SEC23IP: variants seen among roughly 807,000 people sequenced by gnomAD.
The protein encoded by SEC23IP is SEC23-interacting protein.
Under a neutral mutation model 113.4 loss-of-function variants are expected in SEC23IP, and 70 were observed. The ratio of observed to expected loss-of-function variants is 0.62; its 90% CI spans 0.51 to 0.75. The LOEUF is 0.75. Ranked by LOEUF, SEC23IP falls within the 30% of genes least tolerant of loss-of-function variation. SEC23IP has a pLI of 0.00. For synonymous variants in SEC23IP, 398 were observed against 421.0 expected, an observed-to-expected ratio of 0.95 and a Z score of 0.67; for missense variants, 1,160 against 1,204.9, an observed-to-expected ratio of 0.96 and a Z score of 0.55.
chr10:119,905,949 T>C (rs773164462), intron 4 of SEC23IP, among the ~76,000 whole-genome samples: 4 of 152,088 alleles, frequency 2.6e-5, no homozygotes, highest in Non-Finnish European at 5.9e-5. Context: ...GTAAACTTTA[T>C]GGAACACTGA....
intron 17 of SEC23IP, 147 bp downstream of exon 17, chr10:119,933,314 C>A: frequency 1.3e-6 from 1 of 746,400 alleles, no homozygotes; most frequent in Non-Finnish European, 2.2e-6. Context: ...GTTATTTTTC[C>A]CCCTTAGTTA....
intron 2 of SEC23IP, among the ~76,000 whole-genome samples, chr10:119,902,231 C>A (rs1854519441): frequency 6.6e-6 from 1 of 152,080 alleles, no homozygotes; most frequent in Non-Finnish European, 1.5e-5. Context: ...TGGCGCATGC[C>A]TGTAATCCCA....
chr10:119,895,800 G>A (rs1854263261), intron 1 of SEC23IP, among the ~76,000 whole-genome samples: 1 of 151,466 alleles, frequency 6.6e-6, no homozygotes, highest in Admixed American at 6.6e-5. Flanking sequence ...CCTCTCTCCT[G>A]TCCCTTCACC....
At chr10:119,920,556 G>A (rs948031207) in intron 11 of SEC23IP, among the ~76,000 whole-genome samples, 2 of 152,216 alleles carry the variant, frequency 1.3e-5, no homozygotes, top group Non-Finnish European at 2.9e-5. Context: ...TCGCTTCAAA[G>A]AGAGCAAGTT....
At chr10:119,918,226 G>A (rs976305041) in intron 9 of SEC23IP, among the ~76,000 whole-genome samples, 167 bp from the exon 10 acceptor site, 1 of 152,066 alleles carries the variant, frequency 6.6e-6, no homozygotes, top group African/African-American at 2.4e-5. Context: ...TATTACCTAG[G>A]GAATGCTATG....
chr10:119,935,071 A>T (rs181393319), intron 18 of SEC23IP, among the ~76,000 whole-genome samples: 1 of 152,020 alleles, frequency 6.6e-6, no homozygotes, highest in African/African-American at 2.4e-5. Context: ...CTCATCCCCA[A>T]CCTCCCTGCC....
At chr10:119,923,215 TAG>T (rs1373544347) in intron 12 of SEC23IP, among the ~76,000 whole-genome samples, 1 of 152,136 alleles carries the variant, frequency 6.6e-6, no homozygotes, top group African/African-American at 2.4e-5. Context: ...CAAAAATCTA[TAG>T]AGTGATCTTA....
At position 119,919,427 on chromosome 10, in the gene SEC23IP, T is replaced by A; in HGVS notation, c.1873-17T>A. ...TTTTCTGAGCTTGTAATGTTTTTCATACTTTTTTTTTTAAAGATGCCTGAA... is the reference window on the plus strand; with the variant it reads ...TTTTCTGAGCTTGTAATGTTTTTCAAACTTTTTTTTTTAAAGATGCCTGAA... On this transcript the variant is annotated splice_polypyrimidine_tract_variant and intron_variant, in intron 10 of 18. Coordinates refer to ENST00000369075, the MANE Select transcript of SEC23IP (RefSeq NM_007190.4). The A allele has an allele frequency of 6.3e-7, 1 of 1,581,222 alleles. No homozygotes were observed. Among genetic ancestry groups the A allele is most frequent in the Admixed American group, 2.0e-5 (1 of 50,802 alleles).
chr10:119,906,577 AATTT>A (rs949397044), intron 4 of SEC23IP, among the ~76,000 whole-genome samples: 2 of 151,886 alleles, frequency 1.3e-5, no homozygotes, highest in Admixed American at 6.6e-5. Flanking sequence ...AAGTGAAAAT[AATTT>A]ATTTATTTAT....
intron 11 of SEC23IP, among the ~76,000 whole-genome samples, chr10:119,920,032 A>C (rs1418674478): frequency 6.6e-6 from 1 of 152,242 alleles, no homozygotes; most frequent in Non-Finnish European, 1.5e-5. Flanking sequence ...CTCATAAGAG[A>C]AATGGAAATT....
At chr10:119,931,017 A>G (rs1855579406) in intron 15 of SEC23IP, among the ~76,000 whole-genome samples, 1 of 152,224 alleles carries the variant, frequency 6.6e-6, no homozygotes, top group Admixed American at 6.5e-5. Flanking sequence ...TTTTGCTAAC[A>G]TGCTTTTTAA....
intron 18 of SEC23IP, among the ~76,000 whole-genome samples, chr10:119,935,992 T>C (rs1262089017): frequency 4.6e-5 from 7 of 152,222 alleles, no homozygotes; most frequent in African/African-American, 1.7e-4. Flanking sequence ...AAGCAGTCCC[T>C]ACTGATGGGC....
At chr10:119,939,888 G>T (rs1420284318) in intron 18 of SEC23IP, among the ~76,000 whole-genome samples, 1 of 151,966 alleles carries the variant, frequency 6.6e-6, no homozygotes, top group African/African-American at 2.4e-5. Context: ...GTAGAGACAG[G>T]GTTCCCCCAA....
intron 1 of SEC23IP, among the ~76,000 whole-genome samples, chr10:119,893,295 C>G (rs1854157204): frequency 6.6e-6 from 1 of 152,062 alleles, no homozygotes; most frequent in East Asian, 1.9e-4. Context: ...GTACAGTAGT[C>G]TGTCTCCCAC....
intron 14 of SEC23IP, 33 bp from the exon 15 acceptor site, chr10:119,930,296 C>A (rs756816859): frequency 7.5e-7 from 1 of 1,332,038 alleles, no homozygotes; most frequent in Admixed American, 2.2e-5. Context: ...TCATAAATTT[C>A]TTTTATTTAT....
intron 12 of SEC23IP, among the ~76,000 whole-genome samples, chr10:119,925,239 A>G (rs1336115722): frequency 6.6e-6 from 1 of 152,112 alleles, no homozygotes; most frequent in Middle Eastern, 3.2e-3. Flanking sequence ...GCTTCTTTCT[A>G]GTTAACTCCT....
intron 12 of SEC23IP, among the ~76,000 whole-genome samples, chr10:119,923,553 G>T (rs1199246357): frequency 1.4e-5 from 2 of 142,800 alleles, no homozygotes; most frequent in Non-Finnish European, 3.1e-5. Context: ...TGTTGGTTCC[G>T]TTTTTTTTTT....
intron 1 of SEC23IP, among the ~76,000 whole-genome samples, chr10:119,895,298 C>T (rs922447993): frequency 2.0e-5 from 3 of 152,134 alleles, no homozygotes; most frequent in Non-Finnish European, 4.4e-5. Flanking sequence ...GCATGAGAAT[C>T]GCTTGAGGAG....
chr10:119,919,694 G>A lies in SEC23IP; in HGVS notation c.2025+98G>A, dbSNP rs1855181151. The A allele has an allele frequency of 5.4e-6, 5 of 921,254 alleles. No individual in the cohort carries two copies. In the South Asian group the frequency reaches 9.9e-5, roughly 18 times the overall value. The allele number at this position is 921,254 out of a possible 1,614,324, so 57.1% of individuals were successfully genotyped here. ...TTTTCGTATCAAAATACACTCCAGA[G>A]TAGACAAAGACTGAAATGTTTTAAA... On this transcript the variant is annotated intron_variant, in intron 11 of 18. Coordinates refer to ENST00000369075, the MANE Select transcript of SEC23IP (RefSeq NM_007190.4).
Sources: gnomAD v4.1 joint callset for allele counts (sites outside exome capture counted in the v4.1 genomes callset) on GRCh38, gnomAD v4.1.1 for gene constraint, MANE v1.5 for transcripts, NCBI Gene and HGNC (gene_info 2026-07-23, HGNC 2026-07-21) for gene names.